The following STAB1 variants were observed in gnomAD, a reference collection of about 807,000 sequenced individuals.
STAB1 encodes the protein stabilin-1.
A neutral mutation model predicts 332.4 loss-of-function variants in STAB1; 250 were observed. That is an observed-to-expected ratio of 0.75 (90% CI 0.68 to 0.84). The LOEUF (loss-of-function observed/expected upper bound fraction) is 0.84, where lower values mean the gene tolerates loss of function less well. Among genes scored for constraint, STAB1 ranks in the 40% least tolerant of loss-of-function variants. The pLI is 0.00. For synonymous variants in STAB1, 1,475 were observed against 1,390.4 expected, an observed-to-expected ratio of 1.06 and a Z score of -1.35; for missense variants, 3,249 against 3,489.7, an observed-to-expected ratio of 0.93 and a Z score of 1.74.
At position 52,503,796 on chromosome 3, in the gene STAB1, C is replaced by A. The variant is rs751914415; in HGVS notation, c.916C>A (p.Leu306Met). The A allele has an allele frequency of 1.2e-6, 2 of 1,613,212 alleles. No individual in the cohort carries two copies. The highest frequency in any genetic ancestry group is 2.2e-5 in the South Asian group (2 of 91,084). ...GQAFCTCRPG[L>M]VSINSNASAG... is the part of the protein sequence containing the mutation. The stretch of plus-strand genomic sequence containing the variant: ...GGCCTTCTGCACCTGCCGGCCAGGC[C>A]TGGTCAGCATCAACAGCAACGCTTC... Residue 306 changes from leucine to methionine, a missense_variant, in exon 9 of 69, where the codon CTG becomes ATG. Transcript: ENST00000321725.
Position 52,505,705 on chromosome 3 carries a change from C to T in STAB1, c.1619C>T (p.Pro540Leu). 6.2e-7 allele frequency: 1 copy of T among 1,613,830 alleles called. No homozygotes were observed. Among genetic ancestry groups the T allele is most frequent in the Non-Finnish European group, 8.5e-7 (1 of 1,180,044 alleles). Residue 540 changes from proline to leucine, a missense_variant, in exon 15 of 69, where the codon CCC (proline) becomes CTC (leucine). By Grantham distance (98) the Pro-to-Leu change is moderately conservative. Transcript: ENST00000321725. Reference protein sequence around the residue: ...GLPSILDGPGPFTVFAPSNEA... With the variant: ...GLPSILDGPGLFTVFAPSNEA... The stretch of plus-strand genomic sequence containing the variant: ...CCCTCCATCCTGGACGGACCTGGGC[C>T]CTTCACAGTCTTTGCCCCAAGCAAT...
Position 52,514,475 on chromosome 3 carries a change from C to T in STAB1, c.3657C>T (p.Val1219=), listed in dbSNP as rs377308263. 2 of 1,530,066 alleles carry T rather than the reference C, an allele frequency of 1.3e-6. No homozygotes were observed. The highest frequency in any genetic ancestry group is 1.8e-6 in the Non-Finnish European group (2 of 1,139,644). 94.8% of individuals were successfully genotyped at this position (1,530,066 alleles called of 1,614,324 possible). Residue 1219 remains valine (V), a synonymous_variant, in exon 34 of 69, where the codon GTC becomes GTT. Coordinates refer to ENST00000321725, the MANE Select transcript of STAB1 (RefSeq NM_015136.3). ...NSLLGPAHWI[V]FYNHSGQPEV... ...TCCTGGGCCCTGCCCACTGGATCGTCTTCTACAACCACAGTGGCCAGGTTT... is the reference window on the plus strand; with the variant it reads ...TCCTGGGCCCTGCCCACTGGATCGTTTTCTACAACCACAGTGGCCAGGTTT...
rs756010377 is a variant in STAB1 at position 52,516,171 on chromosome 3, C to T, written c.4077C>T (p.His1359=). Residue 1359 remains histidine (H), a synonymous_variant, in exon 38 of 69, where the codon CAC becomes CAT. Coordinates refer to ENST00000321725, the MANE Select transcript of STAB1 (RefSeq NM_015136.3). ...TGGGCAGCGGGGAGTGCCACTGCCACGAGGGCTTCCATGGAACGGCCTGTG... is the reference window on the plus strand; with the variant it reads ...TGGGCAGCGGGGAGTGCCACTGCCATGAGGGCTTCCATGGAACGGCCTGTG... ...RFLGSGECHC[H]EGFHGTACEV... is the part of the protein sequence containing the mutation. 19 of 1,612,192 alleles carry T rather than the reference C, an allele frequency of 1.2e-5. No individual in the cohort carries two copies. The highest frequency in any genetic ancestry group is 1.3e-5 in the African/African-American group (1 of 74,838).
In STAB1 at chr3:52,515,464, C is replaced by G. The variant is rs560411240; in HGVS notation, c.3906C>G (p.Ser1302=). 7.4e-6 allele frequency: 12 copies of G among 1,613,436 alleles called. No individual in the cohort carries two copies. In the Admixed American group the frequency reaches 2.0e-4, roughly 27 times the overall value. ...RKSCVYRSGF[S]FSRGCSYTCA... is the part of the protein sequence containing the mutation. ...GCTGTGTCTACCGATCTGGCTTCTC[C>G]TTCTCCCGGGGCTGCTCTTACACAT... Residue 1302 remains serine, a synonymous_variant, in exon 37 of 69, where the codon TCC becomes TCG. Transcript: ENST00000321725.
chr3:52,503,968 G>T (rs756033444), intron 9 of STAB1, 60 bp from the exon 10 acceptor site: 11 of 1,605,838 alleles, frequency 6.9e-6, no homozygotes, highest in Admixed American at 5.0e-5. Flanking sequence ...GGGAAGGCGT[G>T]GGGGGTGCGG....
At chr3:52,522,527 G>C in intron 60 of STAB1, 28 bp from the exon 61 acceptor site, 2 of 1,613,080 alleles carry the variant, frequency 1.2e-6, no homozygotes, top group Non-Finnish European at 8.5e-7. Flanking sequence ...GAGCCGGCCA[G>C]CTGACCATGC....
chr3:52,503,710 G>A (rs1708623668), intron 8 of STAB1, 62 bp from the exon 9 acceptor site: 1 of 1,605,670 alleles, frequency 6.2e-7, no homozygotes, highest in Non-Finnish European at 8.5e-7. Context: ...TATGGGTAGG[G>A]CAGACACCAG....
At chr3:52,509,521 G>A (rs1709136547) in intron 22 of STAB1, 200 bp downstream of exon 22, 2 of 591,784 alleles carry the variant, frequency 3.4e-6, no homozygotes, top group African/African-American at 1.9e-5. Context: ...CGAAGGCCAA[G>A]GGGAGTGGAG....
intron 1 of STAB1, among the ~76,000 whole-genome samples, chr3:52,496,225 A>G (rs1430937576): frequency 6.6e-6 from 1 of 152,246 alleles, no homozygotes; most frequent in African/African-American, 2.4e-5. Context: ...CCCCTCGGTC[A>G]GGTCCCTGTG....
rs1338735642 is a variant in STAB1, at chr3:52,519,816, C to A, written c.5236-128C>A. On this transcript the variant is annotated intron_variant, in intron 50 of 68. Transcript: ENST00000321725. The stretch of plus-strand genomic sequence containing the variant: ...TGAGATGTGTGCACACACATGCCTG[C>A]CTGGGATGGTCACAGATGAGTGTGG... The A allele has an allele frequency of 1.2e-5, 15 of 1,279,122 alleles. No individual in the cohort carries two copies. In the African/African-American group the frequency reaches 1.6e-4, roughly 14 times the overall value. 79.2% of individuals were successfully genotyped at this position (1,279,122 alleles called of 1,614,324 possible). A position where few individuals can be genotyped will look rare whatever the true frequency, so the allele number is the denominator to read the frequency against.
At chr3:52,503,158 GC>G in intron 7 of STAB1, 49 bp downstream of exon 7, 1 of 1,528,512 alleles carries the variant, frequency 6.5e-7, no homozygotes, top group Non-Finnish European at 8.9e-7. Context: ...GCGGGCGGGG[GC>G]TGGGAGAGCA....
chr3:52,501,452 G>A, intron 2 of STAB1, 150 bp downstream of exon 2: 3 of 1,302,476 alleles, frequency 2.3e-6, no homozygotes, highest in Non-Finnish European at 3.2e-6. Flanking sequence ...TAGGCGGGGA[G>A]GAAGGGGTAA....
intron 59 of STAB1, 24 bp from the exon 60 acceptor site, chr3:52,522,306 G>A (rs771019607): frequency 1.2e-4 from 191 of 1,612,168 alleles, no homozygotes; most frequent in Non-Finnish European, 1.4e-4. Flanking sequence ...GGTGAAGGGC[G>A]CCCACTGCTC....
At chr3:52,499,566 C>T (rs1708281034) in intron 1 of STAB1, among the ~76,000 whole-genome samples, 3 of 152,244 alleles carry the variant, frequency 2.0e-5, no homozygotes, top group South Asian at 4.1e-4. Context: ...CCTGCCCCTG[C>T]GACTGTATTC....
chr3:52,519,988 C>T lies in STAB1; in HGVS notation c.5280C>T (p.Pro1760=), dbSNP rs759113829. ...TGCTTCGAGAGGCATCCCATAGGCC[C>T]TTCACAATGCTGTGGCCCACAGACG... ...LPLLREASHR[P]FTMLWPTDAA... Residue 1760 remains proline (P), a synonymous_variant, in exon 51 of 69, where the codon CCC becomes CCT. Coordinates refer to ENST00000321725, the MANE Select transcript of STAB1 (RefSeq NM_015136.3). The T allele has an allele frequency of 1.2e-5, 19 of 1,610,340 alleles. No homozygotes were observed. Among genetic ancestry groups the T allele is most frequent in the Non-Finnish European group, 3.4e-6 (4 of 1,179,046 alleles).
intron 42 of STAB1, 28 bp from the exon 43 acceptor site, chr3:52,517,292 A>G (rs766978175): frequency 1.3e-6 from 2 of 1,533,048 alleles, no homozygotes; most frequent in Admixed American, 4.3e-5. Context: ...ACTAAGGGCC[A>G]CCCCCATCCC....
Position 52,509,913 on chromosome 3 carries a change from T to TG in STAB1, c.2398dup (p.Val800GlyfsTer40), listed in dbSNP as rs775040378. ...GTCTCTGCGACAACCGCCCAGGCAG[T>TG]GGGGGGGTGTGCCAGCAGGGCACGT... On this transcript the variant is annotated frameshift_variant, in exon 23 of 69. Coordinates refer to ENST00000321725, the MANE Select transcript of STAB1 (RefSeq NM_015136.3). LOFTEE classifies it high-confidence loss of function. The TG allele has an allele frequency of 2.4e-5, 38 of 1,612,924 alleles. No homozygotes were observed. Among genetic ancestry groups the TG allele is most frequent in the South Asian group, 3.3e-5 (3 of 91,074 alleles).
At chr3:52,514,050 G>A in intron 32 of STAB1, 65 bp from the exon 33 acceptor site, 1 of 1,599,176 alleles carries the variant, frequency 6.3e-7, no homozygotes, top group Non-Finnish European at 8.6e-7. Flanking sequence ...AGAGGGACCT[G>A]GCTGGCTCCC....
chr3:52,521,502 A>G lies in STAB1; in HGVS notation c.6050A>G (p.His2017Arg), dbSNP rs2079070167. 8 of 1,613,880 alleles carry G rather than the reference A, an allele frequency of 5.0e-6. No homozygotes were observed. The highest frequency in any genetic ancestry group is 6.8e-6 in the Non-Finnish European group (8 of 1,179,994). The change falls in exon 56 of 69, where the codon CAT (histidine) becomes CGT (arginine). Residue 2017 changes from histidine to arginine, a missense_variant. Transcript: ENST00000321725. Reference protein sequence around the residue: ...ELCAPGAFGPHCQACRCTVHG... With the variant: ...ELCAPGAFGPRCQACRCTVHG... ...TGTGCTCCTGGTGCCTTTGGGCCCC[A>G]TTGTCAAGGTGGGCCATCCCTGCCT...
Sources: gnomAD v4.1 joint callset for allele counts (sites outside exome capture counted in the v4.1 genomes callset) on GRCh38, gnomAD v4.1.1 for gene constraint, MANE v1.5 for transcripts, NCBI Gene and HGNC (gene_info 2026-07-23, HGNC 2026-07-21) for gene names.